CRYGC: variants seen among roughly 807,000 people sequenced by gnomAD.
CRYGC encodes the protein crystallin gamma C, also known as gamma-crystallin C.
CRYGC carries 14 observed loss-of-function variants against 21.9 expected under a neutral mutation model. The observed-to-expected ratio is 0.64, with a 90% confidence interval of 0.42 to 1.00. The LOEUF is 1.00. Ranked by LOEUF, CRYGC falls within the 50% of genes least tolerant of loss-of-function variation. CRYGC has a pLI of 0.00. For synonymous variants in CRYGC, 96 were observed against 89.8 expected (o/e 1.07, Z -0.39); for missense variants, 235 against 234.2 (o/e 1.00, Z -0.02).
intron 2 of CRYGC, 96 bp downstream of exon 2, chr2:208,129,345 C>T: frequency 6.5e-7 from 1 of 1,541,794 alleles, no homozygotes; most frequent in Non-Finnish European, 8.8e-7. Context: ...TCCATCTAAC[C>T]CTTAGGTGTT....
At position 208,129,774 on chromosome 2, in the gene CRYGC, T is replaced by C. The variant is rs761663236; in HGVS notation, c.9+10A>G. 1 of 1,614,236 alleles carries C rather than the reference T, an allele frequency of 6.2e-7. No homozygotes were observed. The highest frequency in any genetic ancestry group is 8.5e-7 in the Non-Finnish European group (1 of 1,180,032). ...TTTTTTTCATTTTATTTAATTTGTG[T>C]TCTGCTCACCTTCCCCATGGCTGGT... On this transcript the variant is annotated intron_variant, in intron 1 of 2. Coordinates refer to ENST00000282141, the MANE Select transcript of CRYGC (RefSeq NM_020989.4).
At chr2:208,128,913 T>A (rs1371030246) in intron 2 of CRYGC, among the ~76,000 whole-genome samples, 1 of 152,182 alleles carries the variant, frequency 6.6e-6, no homozygotes, top group African/African-American at 2.4e-5. Flanking sequence ...ATTTAAAAAA[T>A]CTTGTACTTC....
rs375897699 is a variant in CRYGC, at chr2:208,129,662, C to T, written c.31G>A (p.Ala11Thr). The T allele has an allele frequency of 2.5e-6, 4 of 1,614,106 alleles. No homozygotes were observed. The African/African-American group carries it at 5.3e-5, about 22-fold the overall frequency. ...GTTTCGTAGCTGCGGCCCTGGAAGG[C>T]CCTGTCCTCATAGAAGGTGATCTGC... MGKITFYEDR[A>T]FQGRSYETTT... Residue 11 changes from alanine (A) to threonine (T), a missense_variant, in exon 2 of 3, where the codon GCC becomes ACC. By Grantham distance (58) the Ala-to-Thr change is moderately conservative. Coordinates refer to ENST00000282141, the MANE Select transcript of CRYGC (RefSeq NM_020989.4).
chr2:208,129,341 T>C (rs1695054336), intron 2 of CRYGC, 100 bp downstream of exon 2: 9 of 1,525,620 alleles, frequency 5.9e-6, no homozygotes, highest in Non-Finnish European at 7.1e-6. Context: ...GATGTCCATC[T>C]AACCCTTAGG....
rs1695058312 is a variant in CRYGC at position 208,129,468 on chromosome 2, G to A, written c.225C>T (p.Ser75=). Residue 75 remains serine (S), a synonymous_variant, in exon 2 of 3, where the codon TCC becomes TCT. Transcript: ENST00000282141. ...GGGGGATGAGACAACAGGAGCGGAT[G>A]GAGTCGCTGAGGCCCATCCATTGCT... ...DYQQWMGLSD[S]IRSCCLIPQT... The A allele has an allele frequency of 1.9e-6, 3 of 1,613,584 alleles. No homozygotes were observed. Among genetic ancestry groups the A allele is most frequent in the Non-Finnish European group, 2.5e-6 (3 of 1,180,050 alleles).
Position 208,128,371 on chromosome 2 carries a change from G to A in CRYGC, c.357C>T (p.Ser119=), listed in dbSNP as rs61736036. 3,904 of 1,614,150 alleles carry A rather than the reference G, an allele frequency of 2.4e-3. 83 individuals are homozygous for A. The African/African-American group carries it at 0.044, about 18-fold the overall frequency. ...CCAGCACGTGGAGGGAACGGATCTCGCTGAGGTGGAAGCGGTCCTGGATGC... is the reference window on the plus strand; with the variant it reads ...CCAGCACGTGGAGGGAACGGATCTCACTGAGGTGGAAGCGGTCCTGGATGC... ...CPSIQDRFHL[S]EIRSLHVLEG... Residue 119 remains serine (S), a synonymous_variant, in exon 3 of 3, where the codon AGC becomes AGT. Transcript: ENST00000282141.
chr2:208,128,514 T>A (rs755928652), intron 2 of CRYGC, 39 bp from the exon 3 acceptor site: 3 of 1,613,230 alleles, frequency 1.9e-6, no homozygotes, highest in African/African-American at 1.3e-5. Flanking sequence ...AAAAAGCAAA[T>A]GAGTCTCTTC....
chr2:208,128,581 C>T (rs992179236), intron 2 of CRYGC, 106 bp from the exon 3 acceptor site: 1 of 1,363,516 alleles, frequency 7.3e-7, no homozygotes, highest in African/African-American at 1.4e-5. Context: ...ATGGAATTGT[C>T]ATTGTAAAAT....
At chr2:208,128,667 C>A (rs575471241) in intron 2 of CRYGC, among the ~76,000 whole-genome samples, 192 bp from the exon 3 acceptor site, 147 of 152,272 alleles carry the variant, frequency 9.7e-4, no homozygotes, top group African/African-American at 2.7e-3. Flanking sequence ...AATACTGGCA[C>A]GCTCATTTTC....
chr2:208,129,130 G>A (rs865935501), intron 2 of CRYGC, among the ~76,000 whole-genome samples: 1 of 152,092 alleles, frequency 6.6e-6, no homozygotes, highest in South Asian at 2.1e-4. Flanking sequence ...TAAAAATACC[G>A]TCTTTTTATG....
In CRYGC at chr2:208,129,552, C is replaced by T. The variant is rs1280001074; in HGVS notation, c.141G>A (p.Glu47=). ...RVESGCWMLY[E]RPNYQGQQYL... The stretch of plus-strand genomic sequence containing the variant: ...ATTGTTGACCTTGGTAGTTGGGACG[C>T]TCATAGAGCATCCAGCAGCCGCTCT... The change falls in exon 2 of 3, where the codon GAG becomes GAA. Residue 47 remains glutamate (E), a synonymous_variant. Coordinates refer to ENST00000282141, the MANE Select transcript of CRYGC (RefSeq NM_020989.4). 6.8e-6 allele frequency: 11 copies of T among 1,614,116 alleles called. No individual in the cohort carries two copies. Among genetic ancestry groups the T allele is most frequent in the Non-Finnish European group, 8.5e-6 (10 of 1,180,054 alleles).
In CRYGC at chr2:208,128,314, G is replaced by T; in HGVS notation, c.414C>A (p.Asn138Lys). Residue 138 changes from asparagine to lysine, a missense_variant, in exon 3 of 3, where the codon AAC becomes AAA. Transcript: ENST00000282141. ...TCAGCAGGTATTGCCGCCCCCGGTA[G>T]TTGGGCAGCTCGTAGAGGACCCAGC... ...EGCWVLYELPNYRGRQYLLRP... is the reference protein window; with the variant it reads ...EGCWVLYELPKYRGRQYLLRP... 1 of 1,614,238 alleles carries T rather than the reference G, an allele frequency of 6.2e-7. No homozygotes were observed. Among genetic ancestry groups the T allele is most frequent in the Non-Finnish European group, 8.5e-7 (1 of 1,180,038 alleles).
Position 208,128,260 on chromosome 2 carries a change from G to A in CRYGC, c.468C>T (p.Asp156=). The change falls in exon 3 of 3, where the codon GAC becomes GAT. Residue 156 remains aspartate, a synonymous_variant. Coordinates refer to ENST00000282141, the MANE Select transcript of CRYGC (RefSeq NM_020989.4). ...LRPQEYRRCQ[D]WGAMDAKAGS... ...CTGCCTTAGCATCCATGGCCCCCCA[G>A]TCCTGGCACCGCCTGTACTCTTGGG... is the stretch of plus-strand genomic sequence containing the variant. The A allele has an allele frequency of 6.2e-7, 1 of 1,614,230 alleles. No individual in the cohort carries two copies. The highest frequency in any genetic ancestry group is 1.3e-5 in the African/African-American group (1 of 75,062).
chr2:208,128,430 C>T lies in CRYGC; in HGVS notation c.298G>A (p.Gly100Ser). 1.9e-6 allele frequency: 3 copies of T among 1,614,196 alleles called. No individual in the cohort carries two copies. The highest frequency in any genetic ancestry group is 1.6e-4 in the Middle Eastern group (1 of 6,062). Residue 100 changes from glycine to serine, a missense_variant, in exon 3 of 3, where the codon GGC becomes AGC. Coordinates refer to ENST00000282141, the MANE Select transcript of CRYGC (RefSeq NM_020989.4). ...LRLYEREDHK[G>S]LMMELSEDCP... ...TCTTCACTCAGCTCCATCATGAGGC[C>T]TTTGTGGTCTTCCCTCTCGTACAGC... is the stretch of plus-strand genomic sequence containing the variant.
rs1338175896 is a variant in CRYGC at position 208,128,153 on chromosome 2, CTAAA to C, written c.*46_*49del. ...AGTCAGCAATTGCCAGCAATGCAGACTAAATATTTATTAGGTTCCAAAATGGGAA... is the reference window on the plus strand; with the variant it reads ...AGTCAGCAATTGCCAGCAATGCAGACTATTTATTAGGTTCCAAAATGGGAA... On this transcript the variant is annotated 3_prime_UTR_variant, in exon 3 of 3. Coordinates refer to ENST00000282141, the MANE Select transcript of CRYGC (RefSeq NM_020989.4). 1 of 1,611,608 alleles carries C rather than the reference CTAAA, an allele frequency of 6.2e-7. No homozygotes were observed. Among genetic ancestry groups the C allele is most frequent in the African/African-American group, 1.3e-5 (1 of 74,890 alleles).
At position 208,129,529 on chromosome 2, in the gene CRYGC, T is replaced by G. The variant is rs144295934; in HGVS notation, c.164A>C (p.Gln55Pro). ...LYERPNYQGQQYLLRRGEYPD... is the reference protein window; with the variant it reads ...LYERPNYQGQPYLLRRGEYPD... ...GTACTCCCCTCGCCGCAGCAAGTAT[T>G]GTTGACCTTGGTAGTTGGGACGCTC... The change falls in exon 2 of 3, where the codon CAA becomes CCA. Residue 55 changes from glutamine to proline, a missense_variant. Gln to Pro is a moderately conservative substitution (Grantham distance 76, BLOSUM62 -1). Transcript: ENST00000282141. 1.9e-6 allele frequency: 3 copies of G among 1,614,188 alleles called. No individual in the cohort carries two copies. The highest frequency in any genetic ancestry group is 2.2e-5 in the South Asian group (2 of 91,080).
chr2:208,128,353 G>T lies in CRYGC; in HGVS notation c.375C>A (p.His125Gln). Reference protein sequence around the residue: ...RFHLSEIRSLHVLEGCWVLYE... With the variant: ...RFHLSEIRSLQVLEGCWVLYE... ...AGAGGACCCAGCAGCCCTCCAGCACGTGGAGGGAACGGATCTCGCTGAGGT... is the reference window on the plus strand; with the variant it reads ...AGAGGACCCAGCAGCCCTCCAGCACTTGGAGGGAACGGATCTCGCTGAGGT... The change falls in exon 3 of 3, where the codon CAC becomes CAA. Residue 125 changes from histidine (H) to glutamine (Q), a missense_variant. Transcript: ENST00000282141. The T allele has an allele frequency of 6.2e-7, 1 of 1,614,204 alleles. No homozygotes were observed. Among genetic ancestry groups the T allele is most frequent in the Non-Finnish European group, 8.5e-7 (1 of 1,180,030 alleles).
Position 208,129,546 on chromosome 2 carries a change from G to C in CRYGC, c.147C>G (p.Pro49=). Residue 49 remains proline, a synonymous_variant, in exon 2 of 3, where the codon CCC becomes CCG. Transcript: ENST00000282141. The part of the protein sequence containing the change: ...ESGCWMLYER[P]NYQGQQYLLR... Reference sequence around the variant, plus strand: ...GCAAGTATTGTTGACCTTGGTAGTTGGGACGCTCATAGAGCATCCAGCAGC... The same window carrying C: ...GCAAGTATTGTTGACCTTGGTAGTTCGGACGCTCATAGAGCATCCAGCAGC... The C allele has an allele frequency of 6.2e-7, 1 of 1,614,210 alleles. No individual in the cohort carries two copies. Among genetic ancestry groups the C allele is most frequent in the East Asian group, 2.2e-5 (1 of 44,882 alleles).
intron 1 of CRYGC, 31 bp from the exon 2 acceptor site, chr2:208,129,714 T>G (rs755355525): frequency 2.5e-6 from 4 of 1,614,248 alleles, no homozygotes; most frequent in Non-Finnish European, 3.4e-6. Context: ...CGAATTACAT[T>G]ATTTGCTCCT....
Sources: allele counts gnomAD v4.1 joint callset (sites outside exome capture counted in the v4.1 genomes callset), GRCh38; gene constraint gnomAD v4.1.1; transcripts MANE v1.5; gene names NCBI Gene and HGNC (gene_info 2026-07-23, HGNC 2026-07-21).